NRG2: variants seen among roughly 807,000 people sequenced by gnomAD.
NRG2 encodes pro-neuregulin-2, membrane-bound isoform.
NRG2 carries 27 observed loss-of-function variants against 73.9 expected under a neutral mutation model. The observed-to-expected ratio is 0.37, with a 90% CI of 0.27 to 0.50. The LOEUF is 0.50. NRG2 is among the 20% of genes least tolerant of loss of function. The pLI is 0.96. For missense variants in NRG2, 1,126 were observed against 1,210.1 expected, an observed-to-expected ratio of 0.93 and a Z score of 1.03; for synonymous variants, 532 against 541.0, an observed-to-expected ratio of 0.98 and a Z score of 0.23.
At chr5:139,981,422 T>C (rs1314058630) in intron 1 of NRG2, among the ~76,000 whole-genome samples, 1 of 152,222 alleles carries the variant, frequency 6.6e-6, no homozygotes, top group African/African-American at 2.4e-5. Flanking sequence ...CTCCCTCATA[T>C]GGGACTCTTA....
rs1007265616 is a variant in NRG2, at chr5:139,856,928, C to T, written c.1190-1150G>A. ...AACAACCAGACCTCCACCCTAGGTCCCCATCTCTTGGCTCTGTGCCCACAG... is the reference window on the plus strand; with the variant it reads ...AACAACCAGACCTCCACCCTAGGTCTCCATCTCTTGGCTCTGTGCCCACAG... On this transcript the variant is annotated intron_variant, in intron 5 of 9. Transcript: ENST00000361474. This position sits in a 1 kb window ranked among gnomAD's most constrained non-coding sequence, Gnocchi z 4.2. 2.0e-5 allele frequency among the ~76,000 whole-genome samples: 3 copies of T among 152,202 alleles called. No individual in the cohort carries two copies. The highest frequency in any genetic ancestry group is 4.4e-5 in the Non-Finnish European group (3 of 68,036).
At chr5:140,034,957 C>T (rs1400923514) in intron 1 of NRG2, among the ~76,000 whole-genome samples, 1 of 152,160 alleles carries the variant, frequency 6.6e-6, no homozygotes, top group Non-Finnish European at 1.5e-5. Flanking sequence ...CGCAGTGGCT[C>T]ACACCTGTAA....
chr5:140,024,277 C>T (rs1361007346), intron 1 of NRG2, among the ~76,000 whole-genome samples: 3 of 147,978 alleles, frequency 2.0e-5, no homozygotes, highest in African/African-American at 7.5e-5. Context: ...TTTTTTGAGA[C>T]GGAGTCTCGC....
At chr5:139,877,866 A>C (rs1763280843) in intron 3 of NRG2, among the ~76,000 whole-genome samples, 1 of 152,192 alleles carries the variant, frequency 6.6e-6, no homozygotes, top group African/African-American at 2.4e-5. Context: ...GACGAGACCA[A>C]ATCTCCAAAC....
chr5:139,994,182 C>T (rs1319580985), intron 1 of NRG2, among the ~76,000 whole-genome samples: 2 of 152,114 alleles, frequency 1.3e-5, no homozygotes, highest in Non-Finnish European at 2.9e-5. Flanking sequence ...GTCATAAGAA[C>T]GATACCTGCA....
chr5:139,875,019 C>A (rs1763080722), intron 3 of NRG2, among the ~76,000 whole-genome samples: 1 of 152,148 alleles, frequency 6.6e-6, no homozygotes, highest in Non-Finnish European at 1.5e-5. Flanking sequence ...TGTTTGCTTT[C>A]TTTTTTCCCC....
intron 1 of NRG2, among the ~76,000 whole-genome samples, chr5:140,032,179 C>T (rs1212930069): frequency 1.3e-5 from 2 of 152,106 alleles, no homozygotes; most frequent in Non-Finnish European, 2.9e-5. Context: ...ATGAACAGGC[C>T]AGATTAAGAG....
At chr5:139,930,222 G>A (rs1752368413) in intron 1 of NRG2, among the ~76,000 whole-genome samples, 1 of 152,156 alleles carries the variant, frequency 6.6e-6, no homozygotes, top group African/African-American at 2.4e-5. Context: ...TTCAACAAAT[G>A]TGCTGTTTCC....
Position 140,042,418 on chromosome 5 carries a change from C to T in NRG2, c.652G>A (p.Gly218Ser), listed in dbSNP as rs1450359745. 16 of 1,603,838 alleles carry T rather than the reference C, an allele frequency of 1.0e-5. No homozygotes were observed. The highest frequency in any genetic ancestry group is 3.4e-5 in the South Asian group (3 of 89,392). The stretch of plus-strand genomic sequence containing the variant: ...CCCACCTCTTTCTTGAGATTTTTGC[C>T]GTTGGTATCGAGGGGGGCAAAGGCC... ...KTAFAPLDTN[G>S]KNLKKEVGKI... The change falls in exon 1 of 10, where the codon GGC becomes AGC. Residue 218 changes from glycine to serine, a missense_variant. By Grantham distance (56) the Gly-to-Ser change is moderately conservative. Around this residue, in one of 3 missense-constraint regions of NRG2, gnomAD observed 539 missense variants for 703.2 expected, o/e 0.77. Coordinates refer to ENST00000361474, the MANE Select transcript of NRG2 (RefSeq NM_004883.3).
At chr5:140,011,832 G>A in intron 1 of NRG2, among the ~76,000 whole-genome samples, 1 of 152,160 alleles carries the variant, frequency 6.6e-6, no homozygotes, top group Admixed American at 6.5e-5. Context: ...ACTACATTTT[G>A]GGGTAATTTG....
chr5:139,939,115 G>T (rs906006273), intron 1 of NRG2, among the ~76,000 whole-genome samples: 66 of 151,810 alleles, frequency 4.3e-4, no homozygotes, highest in African/African-American at 1.5e-3. Flanking sequence ...AACTCAAAAT[G>T]GATCACAGAC....
At chr5:139,885,988 G>A (rs998272499) in intron 2 of NRG2, among the ~76,000 whole-genome samples, 2 of 152,032 alleles carry the variant, frequency 1.3e-5, no homozygotes, top group Non-Finnish European at 2.9e-5. Flanking sequence ...AGTGAGAAGG[G>A]GTGGGGTGGT....
intron 1 of NRG2, among the ~76,000 whole-genome samples, chr5:139,984,946 C>G (rs1435552755): frequency 6.6e-6 from 1 of 152,222 alleles, no homozygotes; most frequent in African/African-American, 2.4e-5. Flanking sequence ...CATACTCATG[C>G]ATATGTTCTT....
chr5:139,874,009 G>A (rs1763022295), intron 3 of NRG2, among the ~76,000 whole-genome samples: 1 of 152,230 alleles, frequency 6.6e-6, no homozygotes, highest in South Asian at 2.1e-4. Flanking sequence ...CAGTCACAGA[G>A]GGTGTGGGGA....
chr5:139,960,535 AT>A (rs1197233468), intron 1 of NRG2, among the ~76,000 whole-genome samples: 1 of 152,144 alleles, frequency 6.6e-6, no homozygotes, highest in Non-Finnish European at 1.5e-5. Flanking sequence ...AACAAAAAAA[AT>A]TATGGCATCA....
chr5:140,035,492 T>A (rs963403732), intron 1 of NRG2, among the ~76,000 whole-genome samples: 1 of 152,258 alleles, frequency 6.6e-6, no homozygotes, highest in Non-Finnish European at 1.5e-5. Context: ...ACAGAATATA[T>A]ATTTAAATAT....
chr5:139,867,061 T>C (rs1762511320), intron 4 of NRG2, among the ~76,000 whole-genome samples: 1 of 152,208 alleles, frequency 6.6e-6, no homozygotes, highest in African/African-American at 2.4e-5. Flanking sequence ...AATTAATCAA[T>C]GTAAACTTCC....
chr5:139,902,554 G>T (rs561257688), intron 1 of NRG2, among the ~76,000 whole-genome samples: 1 of 152,262 alleles, frequency 6.6e-6, no homozygotes, highest in South Asian at 2.1e-4. Context: ...ACTTGCTCAT[G>T]CTTTCCATGT....
Position 139,848,260 on chromosome 5 carries a change from G to A in NRG2, c.2210C>T (p.Ser737Leu), listed in dbSNP as rs1227156500. The A allele has an allele frequency of 3.6e-6, 4 of 1,117,366 alleles. No individual in the cohort carries two copies. The highest frequency in any genetic ancestry group is 3.3e-6 in the Non-Finnish European group (3 of 916,856). The allele number at this position is 1,117,366 out of a possible 1,614,324, so 69.2% of individuals were successfully genotyped here. Residue 737 changes from serine to leucine, a missense_variant, in exon 10 of 10, where the codon TCG (serine) becomes TTG (leucine). Physicochemically the swap from Ser to Leu is moderately radical, Grantham distance 145. This residue lies in a region of NRG2 where 402 missense variants were observed against 357.8 expected (regional missense o/e 1.12). Transcript: ENST00000361474. ...GCGGCGCCAGCGCCGGGGCCCCGCC[G>A]ACGTCCTGCGGGACGCACCGCGCGC... is the stretch of plus-strand genomic sequence containing the variant. ...PRARGASRRT[S>L]AGPRRWRRSR...
Sources: gnomAD v4.1 joint callset for allele counts (sites outside exome capture counted in the v4.1 genomes callset) on GRCh38, gnomAD v4.1.1 for gene constraint, gnomAD v4.1.1 regional missense constraint, Gnocchi (gnomAD v3.1) non-coding constraint, MANE v1.5 for transcripts, NCBI Gene and HGNC (gene_info 2026-07-23, HGNC 2026-07-21) for gene names.